The following NFAT5 variants were observed in gnomAD, a reference collection of about 807,000 sequenced individuals.
NFAT5 encodes nuclear factor of activated T-cells 5.
In NFAT5, 31 loss-of-function variants were observed where a neutral mutation model predicts 166.5. The observed-to-expected ratio is 0.19, with a 90% CI of 0.14 to 0.25. The LOEUF is 0.25. NFAT5 is among the 10% of genes least tolerant of loss of function. NFAT5 has a pLI of 1.00. For missense variants in NFAT5, 1,449 were observed against 1,821.8 expected (o/e 0.80, Z 3.72); for synonymous variants, 612 against 639.7 (o/e 0.96, Z 0.65).
intron 10 of NFAT5, among the ~76,000 whole-genome samples, chr16:69,684,053 T>C (rs1401891061): frequency 6.6e-6 from 1 of 150,720 alleles, no homozygotes; most frequent in Non-Finnish European, 1.5e-5. Flanking sequence ...GAGTCAAGAC[T>C]GCGCCATTGC....
intron 10 of NFAT5, among the ~76,000 whole-genome samples, chr16:69,684,508 C>T (rs968123303): frequency 3.3e-5 from 5 of 151,890 alleles, no homozygotes; most frequent in Admixed American, 6.6e-5. Context: ...TGCAGTGAGC[C>T]GAGATCACGC....
At chr16:69,598,402 AG>A (rs1005127226) in intron 2 of NFAT5, among the ~76,000 whole-genome samples, 1 of 149,038 alleles carries the variant, frequency 6.7e-6, no homozygotes, top group Non-Finnish European at 1.5e-5. Flanking sequence ...AAAAAAAAAA[AG>A]ATATTTGGGA....
intron 2 of NFAT5, among the ~76,000 whole-genome samples, chr16:69,573,936 C>T (rs981806281): frequency 2.8e-5 from 4 of 144,416 alleles, no homozygotes; most frequent in Admixed American, 7.2e-5. Context: ...TGCAATGGTG[C>T]AATCTCAGCT....
intron 10 of NFAT5, among the ~76,000 whole-genome samples, chr16:69,677,969 A>C (rs1282021494): frequency 6.6e-6 from 1 of 151,766 alleles, no homozygotes; most frequent in Non-Finnish European, 1.5e-5. Context: ...GCTGGCCAAC[A>C]TGTTGAAACC....
rs2037676555 is a variant in NFAT5, at chr16:69,694,192, G to C, written c.4367G>C (p.Gly1456Ala). Residue 1456 changes from glycine to alanine, a missense_variant, in exon 13 of 15, where the codon GGC (glycine) becomes GCC (alanine). Around this residue, in one of 7 missense-constraint regions of NFAT5, gnomAD observed 891 missense variants for 993.0 expected, o/e 0.90. Coordinates refer to ENST00000349945, the MANE Select transcript of NFAT5 (RefSeq NM_138713.4). The part of the protein sequence containing the change: ...GTMNQLQNSP[G>A]SSQQTSGMFL... The stretch of plus-strand genomic sequence containing the variant: ...ATGAACCAACTGCAGAATTCTCCTG[G>C]CTCATCTCAGCAGACATCAGGAATG... The C allele has an allele frequency of 1.2e-6, 2 of 1,613,886 alleles. No individual in the cohort carries two copies. The highest frequency in any genetic ancestry group is 1.6e-4 in the Middle Eastern group (1 of 6,084).
In NFAT5 at chr16:69,693,914, A is replaced by C. The variant is rs754921543; in HGVS notation, c.4089A>C (p.Glu1363Asp). ...AGAACCCAGGTCCTACCCAGTCGGA[A>C]TCATCACAGACCCCCTTGTTCCATA... ...SLQNPGPTQS[E>D]SSQTPLFHSS... The change falls in exon 13 of 15, where the codon GAA becomes GAC. Residue 1363 changes from glutamate to aspartate, a missense_variant. Physicochemically the swap from Glu to Asp is conservative, Grantham distance 45. Transcript: ENST00000349945. 1.8e-5 allele frequency: 29 copies of C among 1,614,116 alleles called. No homozygotes were observed. In the South Asian group the frequency reaches 3.2e-4, roughly 18 times the overall value.
chr16:69,620,030 T>C (rs1475104688), intron 2 of NFAT5, among the ~76,000 whole-genome samples: 1 of 152,190 alleles, frequency 6.6e-6, no homozygotes, highest in Non-Finnish European at 1.5e-5. Flanking sequence ...TCTATTATAG[T>C]TTACAGAATG....
In NFAT5 at chr16:69,670,097, A is replaced by G. The variant is rs1321905353; in HGVS notation, c.1490A>G (p.Gln497Arg). The G allele has an allele frequency of 1.2e-6, 2 of 1,610,982 alleles. No homozygotes were observed. The highest frequency in any genetic ancestry group is 1.3e-5 in the African/African-American group (1 of 74,706). Residue 497 changes from glutamine to arginine, a missense_variant, in exon 8 of 15, where the codon CAA (glutamine) becomes CGA (arginine). Physicochemically the swap from Gln to Arg is conservative, Grantham distance 43 (BLOSUM62 1). This residue lies in a region of NFAT5 where 245 missense variants were observed against 366.6 expected (regional missense o/e 0.67). Coordinates refer to ENST00000349945, the MANE Select transcript of NFAT5 (RefSeq NM_138713.4). The part of the protein sequence containing the change: ...NFLKGTKVIF[Q>R]ENVSDENSWK... ...CTGAAAGGAACTAAAGTTATTTTCCAAGAAAATGTTTCTGGTAAGTACGCA... is the reference window on the plus strand; with the variant it reads ...CTGAAAGGAACTAAAGTTATTTTCCGAGAAAATGTTTCTGGTAAGTACGCA...
rs2037926903 is a variant in NFAT5 at position 69,703,173 on chromosome 16, A to C, written c.*6822A>C. 6.6e-6 allele frequency: 1 copy of C among 152,614 alleles called. No individual in the cohort carries two copies. The highest frequency in any genetic ancestry group is 2.1e-4 in the South Asian group (1 of 4,834). 9.5% of individuals were successfully genotyped at this position (152,614 alleles called of 1,614,324 possible). A position where few individuals can be genotyped will look rare whatever the true frequency, so the allele number is the denominator to read the frequency against. ...TGGCTAGACCAACCCTCAGAACAAA[A>C]TCATCATTCCTTGTATTTATATTTG... On this transcript the variant is annotated 3_prime_UTR_variant, in exon 15 of 15. Transcript: ENST00000349945.
At chr16:69,615,673 C>T (rs1052169393) in intron 2 of NFAT5, among the ~76,000 whole-genome samples, 5 of 152,132 alleles carry the variant, frequency 3.3e-5, no homozygotes, top group Admixed American at 2.6e-4. Context: ...AGGGTTCCTT[C>T]TTCTTTTCTC....
Position 69,670,062 on chromosome 16 carries a change from C to G in NFAT5, c.1455C>G (p.Gly485=). The change falls in exon 8 of 15, where the codon GGC becomes GGG. Residue 485 remains glycine, a synonymous_variant. Transcript: ENST00000349945. ...VKGEEEVFLI[G]KNFLKGTKVI... Reference sequence around the variant, plus strand: ...GAGAAGAAGAAGTGTTTTTAATCGGCAAGAACTTTCTGAAAGGAACTAAAG... The same window carrying G: ...GAGAAGAAGAAGTGTTTTTAATCGGGAAGAACTTTCTGAAAGGAACTAAAG... 2.5e-6 allele frequency: 4 copies of G among 1,612,962 alleles called. No individual in the cohort carries two copies. The highest frequency in any genetic ancestry group is 3.4e-6 in the Non-Finnish European group (4 of 1,179,672).
chr16:69,672,130 C>A (rs908649042), intron 9 of NFAT5, among the ~76,000 whole-genome samples: 1 of 152,298 alleles, frequency 6.6e-6, no homozygotes, highest in Non-Finnish European at 1.5e-5. Flanking sequence ...TAGACAATAT[C>A]GTATAGTGTG....
rs778202799 is a variant in NFAT5 at position 69,693,069 on chromosome 16, T to G, written c.3244T>G (p.Ser1082Ala). 6.2e-7 allele frequency: 1 copy of G among 1,614,042 alleles called. No homozygotes were observed. The highest frequency in any genetic ancestry group is 1.1e-5 in the South Asian group (1 of 91,080). Residue 1082 changes from serine (S) to alanine (A), a missense_variant, in exon 13 of 15, where the codon TCT becomes GCT. Around this residue, in one of 7 missense-constraint regions of NFAT5, gnomAD observed 891 missense variants for 993.0 expected, o/e 0.90. Transcript: ENST00000349945. ...TCAATCTGGAAATTTTTTGCAGCAG[T>G]CTTCTCATTCACAGGCCCAACTTTT... ...SLQSGNFLQQ[S>A]SHSQAQLFHP... is the part of the protein sequence containing the mutation.
At chr16:69,655,892 T>C (rs1012395657) in intron 6 of NFAT5, 93 bp downstream of exon 6, 15 of 906,608 alleles carry the variant, frequency 1.7e-5, no homozygotes, top group Non-Finnish European at 2.1e-5. Flanking sequence ...TTTTTGCGTA[T>C]TTTATTAAAA....
At chr16:69,594,115 C>T (rs1050857950) in intron 2 of NFAT5, among the ~76,000 whole-genome samples, 2 of 152,174 alleles carry the variant, frequency 1.3e-5, no homozygotes, top group Admixed American at 1.3e-4. Flanking sequence ...TATATACAGT[C>T]GTGTGTAACT....
At chr16:69,636,641 C>T (rs1189537957) in intron 3 of NFAT5, among the ~76,000 whole-genome samples, 3 of 152,182 alleles carry the variant, frequency 2.0e-5, no homozygotes, top group African/African-American at 7.2e-5. Flanking sequence ...GGGCTTCCAC[C>T]CTCTGATGCC....
intron 2 of NFAT5, among the ~76,000 whole-genome samples, chr16:69,578,515 C>G (rs929564483): frequency 2.6e-5 from 4 of 152,102 alleles, no homozygotes; most frequent in African/African-American, 9.7e-5. Context: ...TTACATAACT[C>G]AAATTATTTG....
chr16:69,654,277 T>C (rs1312819677), intron 5 of NFAT5, among the ~76,000 whole-genome samples: 2 of 151,964 alleles, frequency 1.3e-5, no homozygotes, highest in Admixed American at 6.6e-5. Context: ...TGTATAAATA[T>C]GTTAGTTGAA....
At chr16:69,675,902 A>G (rs533210968) in intron 9 of NFAT5, among the ~76,000 whole-genome samples, 56 of 152,258 alleles carry the variant, frequency 3.7e-4, no homozygotes, top group Non-Finnish European at 7.1e-4. Context: ...CGGCCTCCCA[A>G]AGTGTTGGGA....
Sources: allele counts gnomAD v4.1 joint callset (sites outside exome capture counted in the v4.1 genomes callset), GRCh38; gene constraint gnomAD v4.1.1; regional missense constraint gnomAD v4.1.1; transcripts MANE v1.5; gene names NCBI Gene and HGNC (gene_info 2026-07-23, HGNC 2026-07-21).